The following RABGEF1 variants were observed in gnomAD, a reference collection of about 807,000 sequenced individuals.
RABGEF1 encodes RAB guanine nucleotide exchange factor 1.
Under a neutral mutation model 57.3 loss-of-function variants are expected in RABGEF1, and 26 were observed. That is an observed-to-expected ratio of 0.45 (90% confidence interval 0.33 to 0.63). The LOEUF (loss-of-function observed/expected upper bound fraction) is 0.63, where lower values mean the gene tolerates loss of function less well. Among genes scored for constraint, RABGEF1 ranks in the 20% least tolerant of loss-of-function variants. The pLI is 0.02. For missense variants in RABGEF1, 464 were observed against 607.6 expected (o/e 0.76, Z 2.48); for synonymous variants, 185 against 210.7 (o/e 0.88, Z 1.06).
chr7:66,697,598 C>T (rs992245970), intron 1 of RABGEF1, among the ~76,000 whole-genome samples: 3 of 152,064 alleles, frequency 2.0e-5, no homozygotes, highest in Non-Finnish European at 2.9e-5. Flanking sequence ...CAGCAGGCTT[C>T]GTGGCTTGCC....
At chr7:66,674,527 A>G in the RABGEF1 span, among the ~76,000 whole-genome samples, 1 of 152,142 alleles carries the variant, frequency 6.6e-6, no homozygotes, top group Non-Finnish European at 1.5e-5. Context: ...AGCTTTACTC[A>G]TAATAGCCCA....
chr7:66,681,530 T>A (rs946465180), upstream of RABGEF1, among the ~76,000 whole-genome samples: 4 of 151,982 alleles, frequency 2.6e-5, no homozygotes, highest in African/African-American at 7.3e-5. Flanking sequence ...TCCCCAGTAG[T>A]TGGGACCACA....
rs4717310 is a variant in RABGEF1 at position 66,696,020 on chromosome 7, C to G, written c.-873+13762C>G. On this transcript the variant is annotated intron_variant and NMD_transcript_variant, in intron 1 of 9. Coordinates refer to the RABGEF1 transcript ENST00000607882. Reference sequence around the variant, plus strand: ...TTGAAGCACCTTGGCTGGGGAGAGACAGAGCTGGGTGGGGCTGGACGTGGG... The same window carrying G: ...TTGAAGCACCTTGGCTGGGGAGAGAGAGAGCTGGGTGGGGCTGGACGTGGG... 1.3e-4 allele frequency among the ~76,000 whole-genome samples: 19 copies of G among 151,214 alleles called. No individual in the cohort carries two copies. In the East Asian group the frequency reaches 3.3e-3, roughly 26 times the overall value.
At chr7:66,681,983 G>C (rs1789785258), upstream of RABGEF1, among the ~76,000 whole-genome samples, 1 of 152,196 alleles carries the variant, frequency 6.6e-6, no homozygotes, top group South Asian at 2.1e-4. Context: ...ATTTGCTCTT[G>C]GGCGTCAGAG....
At chr7:66,787,687 G>A (rs1468561098) in intron 4 of RABGEF1, among the ~76,000 whole-genome samples, 2 of 152,102 alleles carry the variant, frequency 1.3e-5, no homozygotes, top group Admixed American at 1.3e-4. Context: ...GCTTCACACA[G>A]GTCTGAGAGT....
the RABGEF1 span, among the ~76,000 whole-genome samples, chr7:66,672,138 C>A: frequency 2.6e-5 from 4 of 151,486 alleles, no homozygotes; most frequent in African/African-American, 9.7e-5. Context: ...TAAAAAAAAA[C>A]CTGGCCGGGC....
intron 1 of RABGEF1, among the ~76,000 whole-genome samples, chr7:66,706,230 G>A (rs1403711198): frequency 1.3e-5 from 2 of 151,782 alleles, no homozygotes; most frequent in Admixed American, 6.6e-5. Context: ...TTTGATGGAC[G>A]CTTGGGTTGT....
chr7:66,790,968 T>C (rs1437559168), intron 4 of RABGEF1, among the ~76,000 whole-genome samples: 1 of 152,230 alleles, frequency 6.6e-6, no homozygotes, highest in Non-Finnish European at 1.5e-5. Context: ...ATCTGGACCC[T>C]TCTGTCTGCA....
At chr7:66,797,810 G>T (rs1429884684) in intron 6 of RABGEF1, among the ~76,000 whole-genome samples, 1 of 152,198 alleles carries the variant, frequency 6.6e-6, no homozygotes, top group Non-Finnish European at 1.5e-5. Context: ...CTCCTCAAGT[G>T]GGAAGCTGTG....
intron 2 of RABGEF1, among the ~76,000 whole-genome samples, chr7:66,716,637 A>G (rs1486880089): frequency 1.3e-5 from 2 of 152,124 alleles, no homozygotes; most frequent in Non-Finnish European, 2.9e-5. Context: ...AGCAGCAACA[A>G]AATGTATAGT....
rs948171044 is a variant in RABGEF1, at chr7:66,731,555, G to GA, written c.-814-8429dup. On this transcript the variant is annotated intron_variant and NMD_transcript_variant, in intron 2 of 9. Transcript: ENST00000607882. ...AACATGGTGAAACCCTGTCTCTCCA[G>GA]AAAAAAAAAAAATTAGCTGGGTATG... 1.7e-3 allele frequency among the ~76,000 whole-genome samples: 249 copies of GA among 145,386 alleles called. 2 individuals are homozygous for GA. Among genetic ancestry groups the GA allele is most frequent in the East Asian group, 7.6e-3 (38 of 4,988 alleles).
chr7:66,710,990 T>A (rs994995021), intron 1 of RABGEF1, among the ~76,000 whole-genome samples: 7 of 150,134 alleles, frequency 4.7e-5, no homozygotes, highest in African/African-American at 1.2e-4. Context: ...AAAAAAAAAA[T>A]AATAAAGGAA....
intron 2 of RABGEF1, among the ~76,000 whole-genome samples, chr7:66,720,521 A>AT (rs1448243480): frequency 6.6e-6 from 1 of 151,894 alleles, no homozygotes; most frequent in African/African-American, 2.4e-5. Context: ...AAAAAAAAAA[A>AT]ATCAGCAAAC....
At chr7:66,753,383 A>T (rs1244594628) in intron 1 of RABGEF1, among the ~76,000 whole-genome samples, 1 of 152,204 alleles carries the variant, frequency 6.6e-6, no homozygotes, top group African/African-American at 2.4e-5. Context: ...TCTTCTAATT[A>T]TTTGTAGAGT....
upstream of RABGEF1, among the ~76,000 whole-genome samples, chr7:66,736,326 A>G (rs1173813264): frequency 6.6e-6 from 1 of 152,238 alleles, no homozygotes; most frequent in African/African-American, 2.4e-5. Context: ...ATGTTCCTTT[A>G]GCAAAAGTCC....
chr7:66,772,730 G>A (rs1266028134), intron 2 of RABGEF1, among the ~76,000 whole-genome samples: 16 of 152,036 alleles, frequency 1.1e-4, no homozygotes, highest in Admixed American at 4.6e-4. Flanking sequence ...CCAACATGGT[G>A]AAACCCCCTC....
the RABGEF1 span, among the ~76,000 whole-genome samples, chr7:66,655,617 G>C: frequency 1.1e-4 from 16 of 152,060 alleles, no homozygotes; most frequent in Non-Finnish European, 2.1e-4. Flanking sequence ...CGATCCTCCC[G>C]CCTCGGCCTC....
In RABGEF1 at chr7:66,777,669, T is replaced by C. The variant is rs572809957; in HGVS notation, c.346+2276T>C. 1.6e-3 allele frequency among the ~76,000 whole-genome samples: 241 copies of C among 152,226 alleles called. 1 individual carries two copies. Among genetic ancestry groups the C allele is most frequent in the Middle Eastern group, 6.8e-3 (2 of 294 alleles). On this transcript the variant is annotated intron_variant, in intron 3 of 8. Coordinates refer to ENST00000284957, the MANE Select transcript of RABGEF1 (RefSeq NM_014504.3). ...CTGGGTGCAGTGGCTTCTACCTACC[T>C]ATAATCCCAGCTACTTGGAAGACTA...
chr7:66,792,005 G>A (rs772618956), intron 4 of RABGEF1, among the ~76,000 whole-genome samples: 10 of 151,912 alleles, frequency 6.6e-5, no homozygotes, highest in Non-Finnish European at 1.3e-4. Flanking sequence ...CCAGCTACTC[G>A]GGAGGCTGAG....
Sources: gnomAD v4.1 joint callset for allele counts (sites outside exome capture counted in the v4.1 genomes callset) on GRCh38, gnomAD v4.1.1 for gene constraint, MANE v1.5 for transcripts, NCBI Gene and HGNC (gene_info 2026-07-23, HGNC 2026-07-21) for gene names.